The following ZHX2 variants were observed in gnomAD, a reference collection of about 807,000 sequenced individuals.
ZHX2 encodes zinc fingers and homeoboxes 2.
In ZHX2, 6 loss-of-function variants were observed where a neutral mutation model predicts 21.9. The observed-to-expected ratio is 0.27, with a 90% confidence interval of 0.15 to 0.54. The LOEUF (loss-of-function observed/expected upper bound fraction) is 0.54, where lower values mean the gene tolerates loss of function less well. Ranked by LOEUF, ZHX2 falls within the 20% of genes least tolerant of loss-of-function variation. The pLI, the probability that ZHX2 is intolerant of heterozygous loss-of-function variation, is 0.95. For synonymous variants in ZHX2, 434 were observed against 437.1 expected, an observed-to-expected ratio of 0.99 and a Z score of 0.09; for missense variants, 908 against 1,090.7, an observed-to-expected ratio of 0.83 and a Z score of 2.36.
chr8:122,962,898 TG>T lies in ZHX2; in HGVS notation c.*4+8871del, dbSNP rs201322684. ...TGAGTGATGTTGAGCATTTTTTTCA[TG>T]TTTTTTTTGGCCATTCATATATCTT... On this transcript the variant is annotated intron_variant, in intron 3 of 3. Coordinates refer to ENST00000314393, the MANE Select transcript of ZHX2 (RefSeq NM_014943.5). Among the ~76,000 whole-genome samples the T allele has an allele frequency of 7.3e-3, 1,106 of 152,246 alleles. 11 individuals carry two copies. The highest frequency in any genetic ancestry group is 0.025 in the African/African-American group (1,055 of 41,538).
At chr8:122,859,520 T>C (rs1046473822) in intron 1 of ZHX2, among the ~76,000 whole-genome samples, 1 of 152,032 alleles carries the variant, frequency 6.6e-6, no homozygotes. Flanking sequence ...CTAGCGTGGC[T>C]ATGTGGCTGT....
intron 1 of ZHX2, among the ~76,000 whole-genome samples, chr8:122,851,692 G>A (rs1435772179): frequency 3.3e-5 from 5 of 152,220 alleles, no homozygotes; most frequent in African/African-American, 1.2e-4. Flanking sequence ...TTGTATGCAT[G>A]ACCTCATATC....
At chr8:122,907,635 C>T (rs1052159161) in intron 2 of ZHX2, among the ~76,000 whole-genome samples, 1 of 152,176 alleles carries the variant, frequency 6.6e-6, no homozygotes, top group African/African-American at 2.4e-5. Context: ...AAAGCTGCTT[C>T]CAAAGTGCCC....
chr8:122,828,397 G>T lies in ZHX2; in HGVS notation c.-282-35080G>T, dbSNP rs1818306238. Among the ~76,000 whole-genome samples, 1 of 152,192 alleles carries T rather than the reference G, an allele frequency of 6.6e-6. No homozygotes were observed. Among genetic ancestry groups the T allele is most frequent in the Admixed American group, 6.5e-5 (1 of 15,276 alleles). ...CACACACCAGGAGACTGGAGGGAGG[G>T]TGCATTCTTATGCTGGCTGAGCATA... On this transcript the variant is annotated intron_variant, in intron 1 of 3. Transcript: ENST00000314393. This position sits in a 1 kb window ranked among gnomAD's most constrained non-coding sequence, Gnocchi z 5.2.
At chr8:122,957,256 A>G (rs564567297) in intron 3 of ZHX2, among the ~76,000 whole-genome samples, 1 of 148,512 alleles carries the variant, frequency 6.7e-6, no homozygotes, top group African/African-American at 2.5e-5. Context: ...CTCCATTTCT[A>G]GTATACCCCC....
At chr8:122,965,194 G>A (rs1813550888) in intron 3 of ZHX2, among the ~76,000 whole-genome samples, 1 of 151,586 alleles carries the variant, frequency 6.6e-6, no homozygotes, top group Non-Finnish European at 1.5e-5. Flanking sequence ...TGCTGGGTTT[G>A]GGTTTGGTTT....
intron 2 of ZHX2, among the ~76,000 whole-genome samples, chr8:122,906,093 T>C (rs867109532): frequency 6.6e-6 from 1 of 152,212 alleles, no homozygotes; most frequent in Non-Finnish European, 1.5e-5. Context: ...ATTTCAATAT[T>C]GGATTAAGCA....
At chr8:122,869,601 G>A (rs1337400187) in intron 2 of ZHX2, among the ~76,000 whole-genome samples, 3 of 152,206 alleles carry the variant, frequency 2.0e-5, no homozygotes, top group African/African-American at 7.2e-5. Context: ...GGAGGCCCAG[G>A]CAGGGGCATC....
At chr8:122,818,360 G>A (rs913183770) in intron 1 of ZHX2, among the ~76,000 whole-genome samples, 3 of 151,262 alleles carry the variant, frequency 2.0e-5, no homozygotes, top group African/African-American at 7.3e-5. Flanking sequence ...CATACCCCTC[G>A]TGTCTGCAAG....
In ZHX2 at chr8:122,911,145, TG is replaced by T. The variant is rs139193116; in HGVS notation, c.-219-40144del. ...GCCTCATAAAACATACTTCTCACTG[TG>T]GGTCTCAGAAACCTCTGAAAACCAG... On this transcript the variant is annotated intron_variant, in intron 2 of 3. Coordinates refer to ENST00000314393, the MANE Select transcript of ZHX2 (RefSeq NM_014943.5). Among the ~76,000 whole-genome samples, 830 of 152,320 alleles carry T rather than the reference TG, an allele frequency of 5.4e-3. 6 individuals carry two copies. Among genetic ancestry groups the T allele is most frequent in the African/African-American group, 0.019 (800 of 41,558 alleles).
intron 1 of ZHX2, among the ~76,000 whole-genome samples, chr8:122,838,346 C>T (rs1009764843): frequency 6.6e-6 from 1 of 152,128 alleles, no homozygotes; most frequent in South Asian, 2.1e-4. Context: ...AAGAGAAACT[C>T]ATTACATGTT....
At chr8:122,833,805 G>C (rs1037980757) in intron 1 of ZHX2, among the ~76,000 whole-genome samples, 2 of 152,094 alleles carry the variant, frequency 1.3e-5, no homozygotes, top group Non-Finnish European at 2.9e-5. Flanking sequence ...GACCATCCTG[G>C]CTAACACGGT....
At chr8:122,939,176 G>C (rs1184051076) in intron 2 of ZHX2, among the ~76,000 whole-genome samples, 1 of 152,198 alleles carries the variant, frequency 6.6e-6, no homozygotes, top group African/African-American at 2.4e-5. Context: ...ACTCTCAGCT[G>C]CCCTTTGATG....
chr8:122,889,414 G>C (rs1819925170), intron 2 of ZHX2, among the ~76,000 whole-genome samples: 1 of 152,120 alleles, frequency 6.6e-6, no homozygotes, highest in Non-Finnish European at 1.5e-5. Context: ...TTTGATAATA[G>C]CCATTCTAAC....
chr8:122,943,186 C>G (rs926901653), intron 2 of ZHX2, among the ~76,000 whole-genome samples: 1 of 151,948 alleles, frequency 6.6e-6, no homozygotes, highest in Non-Finnish European at 1.5e-5. Flanking sequence ...CGTTTGAGCC[C>G]GGAGTGTGGA....
intron 2 of ZHX2, among the ~76,000 whole-genome samples, chr8:122,904,192 C>A (rs1288745310): frequency 6.6e-6 from 1 of 152,150 alleles, no homozygotes; most frequent in East Asian, 1.9e-4. Flanking sequence ...CCAAAAAAGT[C>A]TGCTGTCTCT....
chr8:122,893,612 G>A (rs902169956), intron 2 of ZHX2, among the ~76,000 whole-genome samples: 4 of 151,904 alleles, frequency 2.6e-5, no homozygotes, highest in Admixed American at 1.3e-4. Context: ...CTATTGTTGA[G>A]GCTTTCAATT....
intron 1 of ZHX2, chr8:122,810,322 G>A (rs1453494229): frequency 6.6e-6 from 1 of 152,218 alleles, no homozygotes; most frequent in East Asian, 1.9e-4. Flanking sequence ...AGTATTAAAT[G>A]CAACAATGTA....
rs60890533 is a variant in ZHX2 at position 122,945,436 on chromosome 8, C to CAAAAAAAAAAAAAAAAAAA, written c.-219-5847_-219-5829dup. 2.9e-4 allele frequency among the ~76,000 whole-genome samples: 21 copies of CAAAAAAAAAAAAAAAAAAA among 73,670 alleles called. 2 individuals carry two copies. The highest frequency in any genetic ancestry group is 5.6e-4 in the African/African-American group (9 of 15,992). 48.3% of individuals were successfully genotyped at this position (73,670 alleles called of 152,430 possible). On this transcript the variant is annotated intron_variant, in intron 2 of 3. Coordinates refer to ENST00000314393, the MANE Select transcript of ZHX2 (RefSeq NM_014943.5). The stretch of plus-strand genomic sequence containing the variant: ...CTCTTTTATATAAACCCTGTCTCTG[C>CAAAAAAAAAAAAAAAAAAA]AAAAAAAAAAAAAAAAAAAAAAAAA...
Sources: gnomAD v4.1 joint callset for allele counts (sites outside exome capture counted in the v4.1 genomes callset) on GRCh38, gnomAD v4.1.1 for gene constraint, Gnocchi (gnomAD v3.1) non-coding constraint, MANE v1.5 for transcripts, NCBI Gene and HGNC (gene_info 2026-07-23, HGNC 2026-07-21) for gene names.